YEATS4: variants seen among roughly 807,000 people sequenced by gnomAD.
The protein encoded by YEATS4 is YEATS domain-containing protein 4.
In YEATS4, 17 loss-of-function variants were observed where a neutral mutation model predicts 30.1. That is an observed-to-expected ratio of 0.56 (90% confidence interval 0.39 to 0.85). The LOEUF is 0.85. Ranked by LOEUF, YEATS4 falls within the 40% of genes least tolerant of loss-of-function variation. The probability of loss-of-function intolerance (pLI) is 0.00; values close to 1 mark genes in which losing one functional copy is unlikely to be tolerated. For synonymous variants in YEATS4, 85 were observed against 87.5 expected, an observed-to-expected ratio of 0.97 and a Z score of 0.16; for missense variants, 142 against 268.3, an observed-to-expected ratio of 0.53 and a Z score of 3.29.
chr12:69,373,290 C>T (rs560670704), intron 6 of YEATS4, among the ~76,000 whole-genome samples: 3 of 152,268 alleles, frequency 2.0e-5, no homozygotes, highest in South Asian at 2.1e-4. Flanking sequence ...TCTGCATCCT[C>T]GCCTGCATTT....
chr12:69,363,076 T>C, intron 2 of YEATS4, 169 bp downstream of exon 2: 1 of 431,582 alleles, frequency 2.3e-6, no homozygotes, highest in Non-Finnish European at 3.3e-6. Context: ...CACTGCAAGC[T>C]CCGCCTCCCG....
chr12:69,365,749 G>A, intron 3 of YEATS4, 41 bp from the exon 4 acceptor site: 1 of 1,589,628 alleles, frequency 6.3e-7, no homozygotes, highest in South Asian at 1.1e-5. Flanking sequence ...AAATGGCTAG[G>A]AAACTAAACC....
At chr12:69,415,574 C>G in the YEATS4 span, among the ~76,000 whole-genome samples, 1 of 152,238 alleles carries the variant, frequency 6.6e-6, no homozygotes, top group South Asian at 2.1e-4. Flanking sequence ...AACAAACAAA[C>G]AGGTATTTGG....
intron 1 of YEATS4, 107 bp downstream of exon 1, chr12:69,360,130 G>A (rs1875132506): frequency 7.8e-7 from 1 of 1,275,082 alleles, no homozygotes; most frequent in Non-Finnish European, 1.1e-6. Context: ...TTTTCTCCTC[G>A]GGTTTGAACC....
intron 4 of YEATS4, among the ~76,000 whole-genome samples, chr12:69,369,826 C>G (rs1317361597): frequency 6.6e-6 from 1 of 152,124 alleles, no homozygotes; most frequent in African/African-American, 2.4e-5. Context: ...GGAAGATGTC[C>G]TTTAAGTAGG....
At chr12:69,369,906 G>A (rs951296078) in intron 4 of YEATS4, among the ~76,000 whole-genome samples, 1 of 152,048 alleles carries the variant, frequency 6.6e-6, no homozygotes. Context: ...TTGTCTTTAG[G>A]GGGAGTTGAT....
intron 1 of YEATS4, among the ~76,000 whole-genome samples, 187 bp downstream of exon 1, chr12:69,360,210 C>G (rs538116079): frequency 1.3e-5 from 2 of 152,238 alleles, no homozygotes; most frequent in Non-Finnish European, 2.9e-5. Flanking sequence ...CCCCAACTTC[C>G]TCGCGTCACT....
chr12:69,385,232 C>T (rs1240450002), intron 6 of YEATS4, among the ~76,000 whole-genome samples: 1 of 151,336 alleles, frequency 6.6e-6, no homozygotes, highest in Non-Finnish European at 1.5e-5. Context: ...TCCTAAAGTA[C>T]TGGTATTACA....
chr12:69,403,718 G>T, the YEATS4 span, among the ~76,000 whole-genome samples: 1 of 152,138 alleles, frequency 6.6e-6, no homozygotes, highest in Non-Finnish European at 1.5e-5. Flanking sequence ...ATTGCATCAT[G>T]AGGAATTCAT....
chr12:69,392,640 T>C (rs1202628379), downstream of YEATS4, among the ~76,000 whole-genome samples: 3 of 152,232 alleles, frequency 2.0e-5, no homozygotes, highest in African/African-American at 7.2e-5. Flanking sequence ...AGCTCACTTC[T>C]TGAAAGAAGA....
chr12:69,375,989 AT>A (rs1241470455), intron 6 of YEATS4, among the ~76,000 whole-genome samples: 4 of 152,056 alleles, frequency 2.6e-5, no homozygotes, highest in Non-Finnish European at 4.4e-5. Context: ...TTGTATGTTG[AT>A]TTTGTATCCT....
chr12:69,368,598 C>G (rs569660371), intron 4 of YEATS4, among the ~76,000 whole-genome samples: 3 of 152,252 alleles, frequency 2.0e-5, no homozygotes, highest in African/African-American at 7.2e-5. Flanking sequence ...TGTTAGTTTT[C>G]TGGTACCATA....
At chr12:69,389,046 TAC>T (rs1868284568) in intron 6 of YEATS4, among the ~76,000 whole-genome samples, 1 of 152,224 alleles carries the variant, frequency 6.6e-6, no homozygotes, top group Non-Finnish European at 1.5e-5. Context: ...TGAAATAGCT[TAC>T]AGTGTCACAG....
In YEATS4 at chr12:69,365,923, CT is replaced by C. The variant is rs1375398189; in HGVS notation, c.333+41del. Reference sequence around the variant, plus strand: ...ATCTTTGTAAATATAAAATAGATTTCTTAGTAAATGTGAACATGTAATAATA... The same window carrying C: ...ATCTTTGTAAATATAAAATAGATTTCTAGTAAATGTGAACATGTAATAATA... On this transcript the variant is annotated intron_variant, in intron 4 of 6. Coordinates refer to ENST00000247843, the MANE Select transcript of YEATS4 (RefSeq NM_006530.4). 4 of 1,429,466 alleles carry C rather than the reference CT, an allele frequency of 2.8e-6. No homozygotes were observed. In the African/African-American group the frequency reaches 5.8e-5, roughly 21 times the overall value. The allele number at this position is 1,429,466 out of a possible 1,614,324, so 88.5% of individuals were successfully genotyped here.
At chr12:69,365,068 CA>C (rs1049439676) in intron 2 of YEATS4, among the ~76,000 whole-genome samples, 18 of 149,908 alleles carry the variant, frequency 1.2e-4, no homozygotes, top group African/African-American at 3.7e-4. Flanking sequence ...CAAGATTTGC[CA>C]AAAAAAAAGT....
Position 69,359,855 on chromosome 12 carries a change from T to C in YEATS4, c.-118T>C. The stretch of plus-strand genomic sequence containing the variant: ...GTGAGCCCAAGTAACTCGCCCTCCT[T>C]CGGCTAGAAACCCTCCGCCTGGGCC... On this transcript the variant is annotated 5_prime_UTR_variant, in exon 1 of 7. Transcript: ENST00000247843. The C allele has an allele frequency of 3.1e-6, 4 of 1,283,256 alleles. No individual in the cohort carries two copies. The highest frequency in any genetic ancestry group is 1.5e-5 in the African/African-American group (1 of 65,774). 79.5% of individuals were successfully genotyped at this position (1,283,256 alleles called of 1,614,324 possible). A position where few individuals can be genotyped will look rare whatever the true frequency, so the allele number is the denominator to read the frequency against.
the YEATS4 span, among the ~76,000 whole-genome samples, chr12:69,411,789 ACT>A: frequency 2.6e-5 from 4 of 152,326 alleles, no homozygotes; most frequent in East Asian, 7.8e-4. Context: ...GCCAGGGCAA[ACT>A]CTCTGAAGCG....
intron 2 of YEATS4, among the ~76,000 whole-genome samples, chr12:69,364,743 C>T (rs1875362767): frequency 6.6e-6 from 1 of 152,152 alleles, no homozygotes; most frequent in Admixed American, 6.5e-5. Flanking sequence ...CCTCAGCCTC[C>T]TGAGTAGCTG....
At chr12:69,417,517 G>A in the YEATS4 span, among the ~76,000 whole-genome samples, 4 of 152,138 alleles carry the variant, frequency 2.6e-5, no homozygotes, top group Non-Finnish European at 4.4e-5. Flanking sequence ...CTGAGCAGAT[G>A]AGAACGTATG....
Sources: gnomAD v4.1 joint callset for allele counts (sites outside exome capture counted in the v4.1 genomes callset) on GRCh38, gnomAD v4.1.1 for gene constraint, MANE v1.5 for transcripts, NCBI Gene and HGNC (gene_info 2026-07-23, HGNC 2026-07-21) for gene names.